PJA2: variants seen among roughly 807,000 people sequenced by gnomAD.
PJA2 encodes praja ring finger ubiquitin ligase 2.
Under a neutral mutation model 69.3 loss-of-function variants are expected in PJA2, and 25 were observed. That is an observed-to-expected ratio of 0.36 (90% CI 0.26 to 0.50). The LOEUF is 0.50. Ranked by LOEUF, PJA2 falls within the 20% of genes least tolerant of loss-of-function variation. The probability of loss-of-function intolerance (pLI) is 0.96; values close to 1 mark genes in which losing one functional copy is unlikely to be tolerated. For missense variants in PJA2, 809 were observed against 830.2 expected (o/e 0.97, Z 0.31); for synonymous variants, 308 against 277.8 (o/e 1.11, Z -1.08).
chr5:109,354,197 TAG>T (rs1762351883), intron 7 of PJA2, among the ~76,000 whole-genome samples: 1 of 146,418 alleles, frequency 6.8e-6, no homozygotes, highest in East Asian at 2.1e-4. Context: ...CTATGATATC[TAG>T]AGATATCTAT....
At position 109,344,105 on chromosome 5, in the gene PJA2, A is replaced by AAG. The variant is rs1461658552; in HGVS notation, c.2001+84_2001+85insCT. The AAG allele has an allele frequency of 1.0e-5, 8 of 784,606 alleles. No individual in the cohort carries two copies. In the African/African-American group the frequency reaches 1.5e-4, roughly 15 times the overall value. The allele number at this position is 784,606 out of a possible 1,614,324, so 48.6% of individuals were successfully genotyped here. ...AGAGCGAAACTTTGTCTCACCAAAA[A>AAG]AAAAAAAAAAAAAAAGATACTATTA... On this transcript the variant is annotated intron_variant, in intron 9 of 9. Transcript: ENST00000361189.
chr5:109,370,657 T>C (rs1267991907), intron 4 of PJA2, among the ~76,000 whole-genome samples: 1 of 152,198 alleles, frequency 6.6e-6, no homozygotes. Flanking sequence ...TCTAGACTTA[T>C]ATAAGTATTA....
chr5:109,339,520 A>G (rs1762004632), intron 9 of PJA2, among the ~76,000 whole-genome samples: 1 of 152,260 alleles, frequency 6.6e-6, no homozygotes, highest in South Asian at 2.1e-4. Flanking sequence ...TAGTTAAGAC[A>G]ACAAGGGTTG....
intron 8 of PJA2, among the ~76,000 whole-genome samples, 176 bp from the exon 9 acceptor site, chr5:109,344,487 G>A (rs935401296): frequency 2.0e-5 from 3 of 152,114 alleles, no homozygotes; most frequent in Non-Finnish European, 2.9e-5. Flanking sequence ...AATAAATACT[G>A]CTTTGTAAAA....
At chr5:109,400,150 C>T (rs536041041) in intron 1 of PJA2, among the ~76,000 whole-genome samples, 4 of 151,720 alleles carry the variant, frequency 2.6e-5, no homozygotes, top group African/African-American at 7.3e-5. Context: ...ATTAGTGAGA[C>T]GTGGTGGTGC....
At chr5:109,384,543 T>C (rs13354341) in intron 1 of PJA2, among the ~76,000 whole-genome samples, 1,857 of 152,232 alleles carry the variant, frequency 0.012, 20 homozygotes, top group Middle Eastern at 0.024. Context: ...ATTTAAACAC[T>C]TGAGCTACTG....
intron 1 of PJA2, among the ~76,000 whole-genome samples, chr5:109,401,505 C>T (rs1582632326): frequency 6.6e-6 from 1 of 152,004 alleles, no homozygotes; most frequent in Non-Finnish European, 1.5e-5. Flanking sequence ...ACTGATAAAA[C>T]ATATTTGATA....
chr5:109,356,616 C>T (rs180687283), intron 6 of PJA2, among the ~76,000 whole-genome samples: 45 of 152,224 alleles, frequency 3.0e-4, no homozygotes, highest in African/African-American at 9.6e-4. Context: ...TTTTCAGTTT[C>T]CAATCCGCAT....
chr5:109,378,867 C>G lies in PJA2; in HGVS notation c.620G>C (p.Arg207Thr). Reference protein sequence around the residue: ...LGNTVFELENREAEAYTGLSP... With the variant: ...LGNTVFELENTEAEAYTGLSP... ...AAGACCAGTGTATGCCTCTGCCTCT[C>G]TGTTTTCCAACTCAAATACTGTATT... Residue 207 changes from arginine (R) to threonine (T), a missense_variant, in exon 4 of 10, where the codon AGA (arginine) becomes ACA (threonine). Transcript: ENST00000361189. The G allele has an allele frequency of 6.2e-7, 1 of 1,614,106 alleles. No individual in the cohort carries two copies. Among genetic ancestry groups the G allele is most frequent in the Non-Finnish European group, 8.5e-7 (1 of 1,180,030 alleles).
chr5:109,391,543 CCA>C (rs1442796642), intron 1 of PJA2, among the ~76,000 whole-genome samples: 5 of 151,474 alleles, frequency 3.3e-5, no homozygotes, highest in African/African-American at 1.2e-4. Flanking sequence ...TTCCTGGCTT[CCA>C]CAGTTTCCAT....
chr5:109,400,932 G>A (rs1221395866), intron 1 of PJA2, among the ~76,000 whole-genome samples: 2 of 152,084 alleles, frequency 1.3e-5, no homozygotes, highest in African/African-American at 4.8e-5. Context: ...GCAGTGAGCC[G>A]AGATGGCGCC....
chr5:109,344,414 G>A, intron 8 of PJA2, 103 bp from the exon 9 acceptor site: 5 of 1,267,212 alleles, frequency 3.9e-6, no homozygotes, highest in Non-Finnish European at 5.4e-6. Flanking sequence ...AAAGACGAAA[G>A]AGCCAGTCTT....
In PJA2 at chr5:109,378,891, T is replaced by C. The variant is rs1746967276; in HGVS notation, c.596A>G (p.Asn199Ser). 3 of 1,614,160 alleles carry C rather than the reference T, an allele frequency of 1.9e-6. No individual in the cohort carries two copies. Among genetic ancestry groups the C allele is most frequent in the African/African-American group, 1.3e-5 (1 of 75,050 alleles). Residue 199 changes from asparagine to serine, a missense_variant, in exon 4 of 10, where the codon AAT becomes AGT. By Grantham distance (46) the Asn-to-Ser change is conservative (BLOSUM62 1). Around this residue, in one of 4 missense-constraint regions of PJA2, gnomAD observed 700 missense variants for 639.5 expected, o/e 1.09. Coordinates refer to ENST00000361189, the MANE Select transcript of PJA2 (RefSeq NM_014819.5). ...TCTGTTTTCCAACTCAAATACTGTATTGCCTAATGATTCCTGGTATCTACT... is the reference window on the plus strand; with the variant it reads ...TCTGTTTTCCAACTCAAATACTGTACTGCCTAATGATTCCTGGTATCTACT... ...EGSRYQESLG[N>S]TVFELENREA...
intron 5 of PJA2, among the ~76,000 whole-genome samples, chr5:109,368,225 G>GA (rs1170109160): frequency 2.4e-4 from 36 of 152,298 alleles, no homozygotes; most frequent in African/African-American, 8.4e-4. Flanking sequence ...ATGAATCACT[G>GA]ATTTCCCTCT....
chr5:109,397,145 T>C (rs746720522), intron 1 of PJA2, among the ~76,000 whole-genome samples: 14 of 152,198 alleles, frequency 9.2e-5, no homozygotes, highest in Non-Finnish European at 1.6e-4. Context: ...AGGTGCCATA[T>C]TGGAAGCAGA....
intron 7 of PJA2, among the ~76,000 whole-genome samples, chr5:109,351,581 T>C (rs1368994889): frequency 6.6e-6 from 1 of 152,118 alleles, no homozygotes; most frequent in African/African-American, 2.4e-5. Flanking sequence ...AAGGGGATTT[T>C]TTCAAAATCC....
At chr5:109,343,287 AAAAAAGAAAG>A (rs1330711796) in intron 9 of PJA2, among the ~76,000 whole-genome samples, 31 of 98,386 alleles carry the variant, frequency 3.2e-4, no homozygotes, top group African/African-American at 1.1e-3. Flanking sequence ...AAAAAAAAAA[AAAAAAGAAAG>A]AAAGAAAGAA....
chr5:109,353,586 AT>A (rs1426080548), intron 7 of PJA2, among the ~76,000 whole-genome samples: 3 of 145,478 alleles, frequency 2.1e-5, no homozygotes, highest in African/African-American at 7.4e-5. Context: ...ACATCTATAT[AT>A]TAGATATCTA....
intron 1 of PJA2, among the ~76,000 whole-genome samples, chr5:109,391,434 G>A (rs1747279017): frequency 6.6e-6 from 1 of 151,760 alleles, no homozygotes; most frequent in African/African-American, 2.4e-5. Context: ...GTCTAAAATT[G>A]TCTTTGTTTT....
Sources: allele counts gnomAD v4.1 joint callset (sites outside exome capture counted in the v4.1 genomes callset), GRCh38; gene constraint gnomAD v4.1.1; regional missense constraint gnomAD v4.1.1; transcripts MANE v1.5; gene names NCBI Gene and HGNC (gene_info 2026-07-23, HGNC 2026-07-21).